Variants in SOCS5 observed in about 807,000 individuals in gnomAD.
The protein encoded by SOCS5 is suppressor of cytokine signaling 5.
In SOCS5, 32 loss-of-function variants were observed where a neutral mutation model predicts 42.8. The observed-to-expected ratio is 0.75, with a 90% CI of 0.56 to 1.01. SOCS5 has a LOEUF of 1.01. Among genes scored for constraint, SOCS5 ranks in the 50% least tolerant of loss-of-function variants. The pLI, the probability that SOCS5 is intolerant of heterozygous loss-of-function variation, is 0.00. For missense variants in SOCS5, 627 were observed against 653.0 expected (o/e 0.96, Z 0.43); for synonymous variants, 283 against 229.6 (o/e 1.23, Z -2.10).
At chr2:46,752,892 C>G (rs1430812232) in intron 1 of SOCS5, among the ~76,000 whole-genome samples, 2 of 152,184 alleles carry the variant, frequency 1.3e-5, no homozygotes, top group African/African-American at 4.8e-5. Context: ...CAATACCACT[C>G]TCTCCTCATT....
Position 46,759,569 on chromosome 2 carries a change from A to G in SOCS5, c.1039A>G (p.Ser347Gly). The change falls in exon 2 of 2, where the codon AGC becomes GGC. Residue 347 changes from serine (S) to glycine (G), a missense_variant. Physicochemically the swap from Ser to Gly is moderately conservative, Grantham distance 56. This residue lies in a region of SOCS5 where 340 missense variants were observed against 367.6 expected (regional missense o/e 0.92). Coordinates refer to ENST00000394861, the MANE Select transcript of SOCS5 (RefSeq NM_144949.3). The stretch of plus-strand genomic sequence containing the variant: ...GAAGCAGCGTCAGATATCTGGAGAC[A>G]GCCATACCCATGTTAGCAGACAGGG... ...RQKQRQISGDSHTHVSRQGAW... is the reference protein window; with the variant it reads ...RQKQRQISGDGHTHVSRQGAW... The G allele has an allele frequency of 2.5e-6, 4 of 1,613,986 alleles. No individual in the cohort carries two copies. Among genetic ancestry groups the G allele is most frequent in the Non-Finnish European group, 2.5e-6 (3 of 1,179,872 alleles).
intron 1 of SOCS5, among the ~76,000 whole-genome samples, chr2:46,721,586 T>C (rs1341951600): frequency 1.3e-5 from 2 of 152,234 alleles, no homozygotes; most frequent in African/African-American, 4.8e-5. Flanking sequence ...ATTAGACTTA[T>C]ATTTAATACG....
chr2:46,751,735 A>G (rs1572847025), intron 1 of SOCS5, among the ~76,000 whole-genome samples: 1 of 152,220 alleles, frequency 6.6e-6, no homozygotes, highest in South Asian at 2.1e-4. Flanking sequence ...AAACTGTTCC[A>G]TAGAATGACT....
intron 1 of SOCS5, among the ~76,000 whole-genome samples, chr2:46,719,422 T>C (rs1672829507): frequency 6.6e-6 from 1 of 152,212 alleles, no homozygotes; most frequent in South Asian, 2.1e-4. Flanking sequence ...AACAGTTCTT[T>C]ATGCACTTGA....
intron 1 of SOCS5, among the ~76,000 whole-genome samples, chr2:46,708,755 A>G (rs1313201858): frequency 1.3e-5 from 2 of 152,192 alleles, no homozygotes; most frequent in Non-Finnish European, 2.9e-5. Context: ...CTAGCCATCC[A>G]GTACAACACA....
chr2:46,744,426 A>G (rs1311374449), intron 1 of SOCS5, among the ~76,000 whole-genome samples: 5 of 152,180 alleles, frequency 3.3e-5, no homozygotes, highest in Non-Finnish European at 7.3e-5. Context: ...TACAAACCAC[A>G]TATATATCTT....
At chr2:46,729,437 T>C (rs546946183) in intron 1 of SOCS5, among the ~76,000 whole-genome samples, 7 of 152,342 alleles carry the variant, frequency 4.6e-5, no homozygotes, top group Admixed American at 3.9e-4. Flanking sequence ...CTAGATGGTA[T>C]AGCGTACTAT....
chr2:46,729,674 G>GGTGA (rs1195480204), intron 1 of SOCS5, among the ~76,000 whole-genome samples: 2 of 152,038 alleles, frequency 1.3e-5, no homozygotes, highest in Non-Finnish European at 2.9e-5. Flanking sequence ...AGTTGCCGTG[G>GGTGA]GTGAGTGAGT....
rs766288561 is a variant in SOCS5, at chr2:46,758,919, C to T, written c.389C>T (p.Thr130Ile). 3.7e-6 allele frequency: 6 copies of T among 1,613,998 alleles called. No individual in the cohort carries two copies. Among genetic ancestry groups the T allele is most frequent in the Non-Finnish European group, 4.2e-6 (5 of 1,179,884 alleles). The change falls in exon 2 of 2, where the codon ACA (threonine) becomes ATA (isoleucine). Residue 130 changes from threonine (T) to isoleucine (I), a missense_variant. Coordinates refer to ENST00000394861, the MANE Select transcript of SOCS5 (RefSeq NM_144949.3). ...WGGKKKHSCSTKTQSSLDADK... is the reference protein window; with the variant it reads ...WGGKKKHSCSIKTQSSLDADK... The stretch of plus-strand genomic sequence containing the variant: ...GGGAAGAAAAAACATTCCTGTTCTA[C>T]AAAGACCCAGAGTTCATTGGATGCT...
upstream of SOCS5, chr2:46,699,292 T>TCCGTCCGGA (rs548707782): frequency 0.014 from 2,064 of 152,232 alleles, 32 homozygotes; most frequent in Non-Finnish European, 0.02. This position sits in a 1 kb window ranked among gnomAD's most constrained non-coding sequence, Gnocchi z 4.8. Context: ...GTCCCCGGGC[T>TCCGTCCGGA]CCGTCCGGAG....
chr2:46,738,092 A>ATTT (rs1407165155), intron 1 of SOCS5, among the ~76,000 whole-genome samples: 1 of 152,180 alleles, frequency 6.6e-6, no homozygotes, highest in East Asian at 1.9e-4. Flanking sequence ...TTAGAATTGA[A>ATTT]TGGTAGAGGG....
chr2:46,745,380 T>C lies in SOCS5; in HGVS notation c.-12-13139T>C, dbSNP rs191825298. Among the ~76,000 whole-genome samples the C allele has an allele frequency of 1.1e-4, 17 of 152,338 alleles. No homozygotes were observed. The East Asian group carries it at 3.3e-3, about 29-fold the overall frequency. ...ATAGCATTTCTTTGATTACATATTTTTGTAGCTGACACTACATTTACATTG... is the reference window on the plus strand; with the variant it reads ...ATAGCATTTCTTTGATTACATATTTCTGTAGCTGACACTACATTTACATTG... On this transcript the variant is annotated intron_variant, in intron 1 of 1. Coordinates refer to ENST00000394861, the MANE Select transcript of SOCS5 (RefSeq NM_144949.3).
intron 1 of SOCS5, among the ~76,000 whole-genome samples, chr2:46,735,289 C>G (rs1255640286): frequency 6.6e-6 from 1 of 152,098 alleles, no homozygotes; most frequent in Non-Finnish European, 1.5e-5. Context: ...ATTGAGGTGT[C>G]TTTGTTTTAA....
chr2:46,704,752 C>G (rs545412802), intron 1 of SOCS5, among the ~76,000 whole-genome samples: 27 of 152,248 alleles, frequency 1.8e-4, no homozygotes, highest in African/African-American at 6.0e-4. Context: ...AGCTTCTGAG[C>G]AATAAAGGTG....
chr2:46,747,493 G>A (rs1246856749), intron 1 of SOCS5, among the ~76,000 whole-genome samples: 2 of 152,160 alleles, frequency 1.3e-5, no homozygotes, highest in Admixed American at 1.3e-4. Context: ...TGAGATTACA[G>A]GCATGAGCCA....
chr2:46,726,979 C>T (rs1673008222), intron 1 of SOCS5, among the ~76,000 whole-genome samples: 3 of 151,824 alleles, frequency 2.0e-5, no homozygotes, highest in Admixed American at 2.0e-4. Flanking sequence ...TGGTCTCGAA[C>T]TCCCGATCTC....
At chr2:46,708,984 T>A (rs1052161705) in intron 1 of SOCS5, among the ~76,000 whole-genome samples, 2 of 148,020 alleles carry the variant, frequency 1.4e-5, no homozygotes, top group Non-Finnish European at 3.0e-5. Flanking sequence ...CCTCCCAGGT[T>A]CAACAGATTC....
At position 46,706,768 on chromosome 2, in the gene SOCS5, A is replaced by G. The variant is rs553539711; in HGVS notation, c.-13+7319A>G. On this transcript the variant is annotated intron_variant, in intron 1 of 1. Transcript: ENST00000394861. ...ATAACATTCTTCTTGCCCTGGAGGT[A>G]GAGGAAAGCTTGAACTGTCTTGAGA... 3.3e-5 allele frequency among the ~76,000 whole-genome samples: 5 copies of G among 152,328 alleles called. No homozygotes were observed. The East Asian group carries it at 5.8e-4, about 18-fold the overall frequency.
chr2:46,721,014 A>G (rs569719034), intron 1 of SOCS5, among the ~76,000 whole-genome samples: 15 of 152,138 alleles, frequency 9.9e-5, no homozygotes, highest in Non-Finnish European at 1.5e-4. Flanking sequence ...TCAAATCCAA[A>G]TCAGAGGTGA....
Sources: allele counts gnomAD v4.1 joint callset (sites outside exome capture counted in the v4.1 genomes callset), GRCh38; gene constraint gnomAD v4.1.1; regional missense constraint gnomAD v4.1.1; non-coding constraint Gnocchi (gnomAD v3.1); transcripts MANE v1.5; gene names NCBI Gene and HGNC (gene_info 2026-07-23, HGNC 2026-07-21).